Variants in ZNF451 observed in about 807,000 individuals in gnomAD.
The protein encoded by ZNF451 is E3 SUMO-protein ligase ZNF451.
A neutral mutation model predicts 107.1 loss-of-function variants in ZNF451; 80 were observed. That is an observed-to-expected ratio of 0.75 (90% CI 0.62 to 0.90). The LOEUF is 0.90. Among genes scored for constraint, ZNF451 ranks in the 40% least tolerant of loss-of-function variants. The pLI is 0.00. For synonymous variants in ZNF451, 362 were observed against 406.5 expected, an observed-to-expected ratio of 0.89 and a Z score of 1.32; for missense variants, 1,107 against 1,236.2, an observed-to-expected ratio of 0.90 and a Z score of 1.57.
chr6:57,114,502 A>C (rs968743251), intron 3 of ZNF451, among the ~76,000 whole-genome samples: 4 of 152,184 alleles, frequency 2.6e-5, no homozygotes, highest in Non-Finnish European at 4.4e-5. Flanking sequence ...AAGCTTGTTG[A>C]CCTGAAAGTG....
chr6:57,103,739 C>G (rs1366566195), intron 3 of ZNF451: 1 of 985,186 alleles, frequency 1.0e-6, no homozygotes, highest in Non-Finnish European at 1.2e-6. Flanking sequence ...TGGAATATGG[C>G]ACTGTTTTAC....
At chr6:57,132,919 T>C (rs1296583121) in intron 5 of ZNF451, 123 bp from the exon 6 acceptor site, 36 of 950,486 alleles carry the variant, frequency 3.8e-5, no homozygotes, top group Non-Finnish European at 5.1e-5. Flanking sequence ...TAAACAATTA[T>C]AATTAGCATC....
rs398001706 is a variant in ZNF451, at chr6:57,163,436, CTTTTTTTTTTTT to C, written c.3139+2305_3139+2316del. On this transcript the variant is annotated intron_variant, in intron 14 of 14. Coordinates refer to ENST00000370706, the MANE Select transcript of ZNF451 (RefSeq NM_001031623.3). ...AATGGTTGCTTGTTAAATGAATAAACTTTTTTTTTTTTTTTTTTTTTTTTTTTTTTTTGAGAC... is the reference window on the plus strand; with the variant it reads ...AATGGTTGCTTGTTAAATGAATAAACTTTTTTTTTTTTTTTTTTTTGAGAC... Among the ~76,000 whole-genome samples, 157 of 30,344 alleles carry C rather than the reference CTTTTTTTTTTTT, an allele frequency of 5.2e-3. 1 individual carries two copies. The highest frequency in any genetic ancestry group is 0.042 in the Middle Eastern group (1 of 24). 19.9% of individuals were successfully genotyped at this position (30,344 alleles called of 152,430 possible).
intron 10 of ZNF451, among the ~76,000 whole-genome samples, chr6:57,149,514 G>A (rs1832246928): frequency 6.6e-6 from 1 of 152,068 alleles, no homozygotes; most frequent in African/African-American, 2.4e-5. Context: ...CCAAGTGTTG[G>A]GATTACAGGT....
chr6:57,141,489 C>T, intron 8 of ZNF451, 34 bp downstream of exon 8: 1 of 1,553,832 alleles, frequency 6.4e-7, no homozygotes, highest in South Asian at 1.2e-5. Flanking sequence ...GAAAATTAAA[C>T]TACTTGAATC....
At chr6:57,155,473 C>T (rs1763375510) in intron 13 of ZNF451, among the ~76,000 whole-genome samples, 1 of 152,124 alleles carries the variant, frequency 6.6e-6, no homozygotes, top group Admixed American at 6.5e-5. Context: ...GCAATAAGAC[C>T]AAAAACTTCG....
Position 57,168,543 on chromosome 6 carries a change from AAGG to A in ZNF451, c.*77_*79del, listed in dbSNP as rs1465015785. ...AACGAATTCTTGAGTTTGTTTTCTA[AAGG>A]AGACCAGAAATCCACTATTACAAAT... On this transcript the variant is annotated 3_prime_UTR_variant, in exon 15 of 15. Transcript: ENST00000370706. The A allele has an allele frequency of 4.2e-6, 5 of 1,198,484 alleles. No individual in the cohort carries two copies. Among genetic ancestry groups the A allele is most frequent in the Admixed American group, 2.0e-5 (1 of 49,374 alleles). 74.2% of individuals were successfully genotyped at this position (1,198,484 alleles called of 1,614,324 possible).
chr6:57,102,129 C>G, intron 3 of ZNF451: 1 of 1,462,496 alleles, frequency 6.8e-7, no homozygotes, highest in Non-Finnish European at 9.0e-7. Context: ...AGTAGTCATT[C>G]AAGATCCTAA....
Position 57,142,049 on chromosome 6 carries a change from T to G in ZNF451, c.958T>G (p.Cys320Gly). The change falls in exon 9 of 15, where the codon TGC becomes GGC. Residue 320 changes from cysteine to glycine, a missense_variant. By Grantham distance (159) the Cys-to-Gly change is radical. This residue lies in a region of ZNF451 where 339 missense variants were observed against 372.8 expected (regional missense o/e 0.91). Coordinates refer to ENST00000370706, the MANE Select transcript of ZNF451 (RefSeq NM_001031623.3). ...TCCCTTTCAAGTTAAGTGTGTGGCC[T>G]GCCACAAGACACTGCGTTCCCACAT... ...DVPFQVKCVACHKTLRSHMEL... is the reference protein window; with the variant it reads ...DVPFQVKCVAGHKTLRSHMEL... The G allele has an allele frequency of 2.5e-6, 4 of 1,614,008 alleles. No individual in the cohort carries two copies. The highest frequency in any genetic ancestry group is 3.4e-6 in the Non-Finnish European group (4 of 1,179,880).
intron 3 of ZNF451, among the ~76,000 whole-genome samples, chr6:57,110,020 G>A (rs909869420): frequency 3.3e-5 from 5 of 152,198 alleles, no homozygotes; most frequent in Non-Finnish European, 7.3e-5. Context: ...AAGAATGCCT[G>A]TGGTGATGGA....
Position 57,099,227 on chromosome 6 carries a change from C to T in ZNF451, c.186+86C>T, listed in dbSNP as rs137981987. ...AAGAGAGTTACCAAATCAGGGAAGG[C>T]TGTGTTTAGAAATAGCCAGTTCTAT... On this transcript the variant is annotated intron_variant, in intron 3 of 14. Transcript: ENST00000370706. The T allele has an allele frequency of 5.7e-3, 6,297 of 1,111,236 alleles. 127 individuals are homozygous for T. Among genetic ancestry groups the T allele is most frequent in the Admixed American group, 0.026 (1,295 of 50,600 alleles). The allele number at this position is 1,111,236 out of a possible 1,614,324, so 68.8% of individuals were successfully genotyped here.
intron 13 of ZNF451, chr6:57,158,506 C>T: frequency 2.0e-6 from 2 of 985,212 alleles, no homozygotes; most frequent in Non-Finnish European, 2.4e-6. Flanking sequence ...AATGAATAAA[C>T]ACCATCTTTA....
chr6:57,099,577 G>A (rs1829489996), intron 3 of ZNF451: 1 of 712,766 alleles, frequency 1.4e-6, no homozygotes. Context: ...TGGAAAGTGG[G>A]GGAAGGGTTT....
chr6:57,115,432 CGTT>C (rs1371016593), intron 3 of ZNF451: 1 of 152,114 alleles, frequency 6.6e-6, no homozygotes, highest in Non-Finnish European at 1.5e-5. Flanking sequence ...AAAAGATAAA[CGTT>C]GTTTAGAAGT....
At chr6:57,166,474 A>C (rs1425723304) in intron 14 of ZNF451, among the ~76,000 whole-genome samples, 2 of 152,126 alleles carry the variant, frequency 1.3e-5, no homozygotes, top group Non-Finnish European at 2.9e-5. Flanking sequence ...ATAGAGAAAT[A>C]TTTTCTTTAT....
chr6:57,127,228 T>G (rs1001837000), intron 4 of ZNF451, among the ~76,000 whole-genome samples: 1 of 152,178 alleles, frequency 6.6e-6, no homozygotes, highest in Non-Finnish European at 1.5e-5. Flanking sequence ...GCATACTCTA[T>G]GTATGAAAAA....
At chr6:57,155,907 G>T (rs1763401357) in intron 13 of ZNF451, among the ~76,000 whole-genome samples, 1 of 141,506 alleles carries the variant, frequency 7.1e-6, no homozygotes, top group Non-Finnish European at 1.5e-5. Flanking sequence ...TTTATTCTTA[G>T]TTTTTGTGAC....
At chr6:57,092,337 T>C (rs868377927) in intron 2 of ZNF451, among the ~76,000 whole-genome samples, 24 of 152,248 alleles carry the variant, frequency 1.6e-4, no homozygotes, top group African/African-American at 5.5e-4. Flanking sequence ...CTTTAAATTT[T>C]ATGTTGAATG....
intron 3 of ZNF451, chr6:57,116,794 T>C (rs999945283): frequency 3.3e-5 from 5 of 152,140 alleles, no homozygotes; most frequent in Admixed American, 3.3e-4. Context: ...TTCCTTTTTT[T>C]CTTCCTTTTT....
Sources: gnomAD v4.1 joint callset for allele counts (sites outside exome capture counted in the v4.1 genomes callset) on GRCh38, gnomAD v4.1.1 for gene constraint, gnomAD v4.1.1 regional missense constraint, MANE v1.5 for transcripts, NCBI Gene and HGNC (gene_info 2026-07-23, HGNC 2026-07-21) for gene names.